UCK2: variants seen among roughly 807,000 people sequenced by gnomAD.
The protein encoded by UCK2 is uridine-cytidine kinase 2.
A neutral mutation model predicts 30.8 loss-of-function variants in UCK2; 6 were observed. The observed-to-expected ratio is 0.19, with a 90% CI of 0.11 to 0.38. The LOEUF (loss-of-function observed/expected upper bound fraction) is 0.38. UCK2 is among the 10% of genes least tolerant of loss of function. The probability of loss-of-function intolerance (pLI) is 1.00; values close to 1 mark genes in which losing one functional copy is unlikely to be tolerated. For missense variants in UCK2, 210 were observed against 339.8 expected (o/e 0.62, Z 3.00); for synonymous variants, 125 against 133.6 (o/e 0.94, Z 0.45).
At position 165,882,435 on chromosome 1, in the gene UCK2, G is replaced by T. The variant is rs567328301; in HGVS notation, c.100-7769G>T. ...AGTGACAGAAAACCTCTAAAACAGG[G>T]TTTAAAGATAGTGTACCTCATTATT... On this transcript the variant is annotated intron_variant, in intron 1 of 6. Transcript: ENST00000367879. Among the ~76,000 whole-genome samples, 3 of 152,284 alleles carry T rather than the reference G, an allele frequency of 2.0e-5. No individual in the cohort carries two copies. The East Asian group carries it at 5.8e-4, about 29-fold the overall frequency.
In UCK2 at chr1:165,906,096, G is replaced by A. The variant is rs960959319; in HGVS notation, c.646+127G>A. 4.5e-6 allele frequency: 4 copies of A among 893,032 alleles called. No homozygotes were observed. In the African/African-American group the frequency reaches 4.9e-5, roughly 11 times the overall value. The allele number at this position is 893,032 out of a possible 1,614,324, so 55.3% of individuals were successfully genotyped here. On this transcript the variant is annotated intron_variant, in intron 6 of 6. Transcript: ENST00000367879. ...CTGCCCTGCTTGTCTGTGATTGTGA[G>A]CCAGCAGAACCTTTCCACCTACACG...
chr1:165,853,103 A>T (rs927619787), intron 1 of UCK2, among the ~76,000 whole-genome samples: 1 of 152,132 alleles, frequency 6.6e-6, no homozygotes, highest in Non-Finnish European at 1.5e-5. Context: ...TTGTAGAATC[A>T]TATGTGTCAT....
intron 1 of UCK2, among the ~76,000 whole-genome samples, chr1:165,887,990 T>C (rs2101880023): frequency 6.6e-6 from 1 of 152,302 alleles, no homozygotes; most frequent in Non-Finnish European, 1.5e-5. Flanking sequence ...AATAATTGAG[T>C]CAAAATATTA....
At chr1:165,885,100 C>T (rs755315604) in intron 1 of UCK2, 56 of 332,906 alleles carry the variant, frequency 1.7e-4, no homozygotes, top group Non-Finnish European at 2.8e-4. Context: ...TATTTCTCAT[C>T]AGTTCCCTCC....
At chr1:165,843,110 C>T (rs893970314) in intron 1 of UCK2, among the ~76,000 whole-genome samples, 1 of 152,164 alleles carries the variant, frequency 6.6e-6, no homozygotes, top group Non-Finnish European at 1.5e-5. Context: ...GACACCACCC[C>T]ATACTGTTCT....
chr1:165,837,862 A>G (rs778546618), intron 1 of UCK2, among the ~76,000 whole-genome samples: 26 of 152,170 alleles, frequency 1.7e-4, no homozygotes, highest in Non-Finnish European at 2.9e-4. Context: ...AACGTGCTCA[A>G]TCTTTAACCT....
At chr1:165,886,810 T>C (rs569574018) in intron 1 of UCK2, among the ~76,000 whole-genome samples, 19 of 152,238 alleles carry the variant, frequency 1.2e-4, no homozygotes, top group African/African-American at 4.3e-4. Context: ...CAGGTAAAAA[T>C]TCAAACCTAC....
intron 2 of UCK2, chr1:165,890,795 C>T (rs1655746056): frequency 7.5e-6 from 2 of 265,012 alleles, no homozygotes; most frequent in Non-Finnish European, 1.5e-5. Context: ...TGCCCTACAG[C>T]CCTAGATCAG....
chr1:165,869,991 T>A (rs1655154554), intron 1 of UCK2, among the ~76,000 whole-genome samples: 1 of 151,654 alleles, frequency 6.6e-6, no homozygotes, highest in African/African-American at 2.4e-5. Context: ...TACTTATTTT[T>A]TTCTTTTGTT....
At chr1:165,883,358 T>C (rs974621780) in intron 1 of UCK2, among the ~76,000 whole-genome samples, 2 of 152,158 alleles carry the variant, frequency 1.3e-5, no homozygotes, top group African/African-American at 4.8e-5. Context: ...ACTGATGGCT[T>C]GAGTCCAGGA....
intron 1 of UCK2, among the ~76,000 whole-genome samples, chr1:165,842,216 CTG>C (rs1654347102): frequency 6.6e-6 from 1 of 152,226 alleles, no homozygotes; most frequent in African/African-American, 2.4e-5. Context: ...CTGCCTATGG[CTG>C]TGTCATGCCT....
At chr1:165,844,820 C>T (rs1188485670) in intron 1 of UCK2, among the ~76,000 whole-genome samples, 1 of 152,142 alleles carries the variant, frequency 6.6e-6, no homozygotes, top group Non-Finnish European at 1.5e-5. Flanking sequence ...GGTGGGGGTT[C>T]CTGGAGGGTG....
chr1:165,845,869 T>C (rs1654434227), intron 1 of UCK2, among the ~76,000 whole-genome samples: 1 of 152,166 alleles, frequency 6.6e-6, no homozygotes. Flanking sequence ...AGTCTCACTT[T>C]TTTGCCCAGG....
chr1:165,856,616 A>C (rs1225074780), intron 1 of UCK2, among the ~76,000 whole-genome samples: 1 of 152,170 alleles, frequency 6.6e-6, no homozygotes, highest in Non-Finnish European at 1.5e-5. Flanking sequence ...TTAGGAAAAG[A>C]GATTTTGAAT....
chr1:165,875,673 A>G (rs938271012), intron 1 of UCK2, among the ~76,000 whole-genome samples: 2 of 152,204 alleles, frequency 1.3e-5, no homozygotes, highest in African/African-American at 4.8e-5. Flanking sequence ...GGAGTGGCTC[A>G]CAGAACTCAG....
Position 165,844,523 on chromosome 1 carries a change from T to G in UCK2, c.99+16591T>G, listed in dbSNP as rs373336447. Among the ~76,000 whole-genome samples, 12 of 152,290 alleles carry G rather than the reference T, an allele frequency of 7.9e-5. No individual in the cohort carries two copies. In the South Asian group the frequency reaches 2.3e-3, roughly 29 times the overall value. ...GGTGATAACAGAGCTCCTAAATCCC[T>G]TAGAATTTCCCAGGTGATAGGAGCA... On this transcript the variant is annotated intron_variant, in intron 1 of 6. Coordinates refer to ENST00000367879, the MANE Select transcript of UCK2 (RefSeq NM_012474.5).
At chr1:165,849,530 A>G (rs1212171310) in intron 1 of UCK2, among the ~76,000 whole-genome samples, 1 of 152,232 alleles carries the variant, frequency 6.6e-6, no homozygotes. Context: ...CCAGAGGTGA[A>G]GTGAGATGAG....
At chr1:165,865,483 G>A (rs1262425834) in intron 1 of UCK2, among the ~76,000 whole-genome samples, 2 of 152,132 alleles carry the variant, frequency 1.3e-5, no homozygotes, top group Non-Finnish European at 2.9e-5. Flanking sequence ...ATCATCTTTT[G>A]ACATTGCTTT....
intron 1 of UCK2, among the ~76,000 whole-genome samples, chr1:165,860,302 C>A (rs957760999): frequency 2.0e-5 from 3 of 152,232 alleles, no homozygotes; most frequent in African/African-American, 7.2e-5. Flanking sequence ...ACCTTTGAAG[C>A]TGCCCTCTTC....
Sources: gnomAD v4.1 joint callset for allele counts (sites outside exome capture counted in the v4.1 genomes callset) on GRCh38, gnomAD v4.1.1 for gene constraint, MANE v1.5 for transcripts, NCBI Gene and HGNC (gene_info 2026-07-23, HGNC 2026-07-21) for gene names.